The following FAM78A variants were observed in gnomAD, a reference collection of about 807,000 sequenced individuals.
FAM78A encodes the protein protein FAM78A.
FAM78A carries 12 observed loss-of-function variants against 22.6 expected under a neutral mutation model. That is an observed-to-expected ratio of 0.53 (90% CI 0.34 to 0.86). The LOEUF (loss-of-function observed/expected upper bound fraction) is 0.86. Among genes scored for constraint, FAM78A ranks in the 40% least tolerant of loss-of-function variants. The probability of loss-of-function intolerance (pLI) is 0.02; values close to 1 mark genes in which losing one functional copy is unlikely to be tolerated. For missense variants in FAM78A, 322 were observed against 396.1 expected (o/e 0.81, Z 1.59); for synonymous variants, 151 against 155.8 (o/e 0.97, Z 0.23).
At chr9:131,264,031 C>T (rs1835309562) in intron 1 of FAM78A, 1 of 152,358 alleles carries the variant, frequency 6.6e-6, no homozygotes. Context: ...CCACTGGGGG[C>T]CTAGTCTCCT....
At chr9:131,264,867 G>T (rs1490155953) in intron 1 of FAM78A, among the ~76,000 whole-genome samples, 1 of 152,002 alleles carries the variant, frequency 6.6e-6, no homozygotes, top group African/African-American at 2.4e-5. Flanking sequence ...AGGACCACAG[G>T]CACCCACCAC....
chr9:131,260,494 G>GT lies in FAM78A; in HGVS notation c.*327dup, dbSNP rs1347349902. On this transcript the variant is annotated 3_prime_UTR_variant, in exon 2 of 2. Transcript: ENST00000372271. This position sits in a 1 kb window ranked among gnomAD's most constrained non-coding sequence, Gnocchi z 5.4. ...CTGCCCCTGAGCCCCCAAAAGAGGA[G>GT]TTTTTTTAAAAAACGGAAAAAGCAG... The GT allele has an allele frequency of 9.0e-5, 20 of 222,666 alleles. No individual in the cohort carries two copies. In the East Asian group the frequency reaches 1.4e-3, roughly 15 times the overall value. The allele number at this position is 222,666 out of a possible 1,614,324, so 13.8% of individuals were successfully genotyped here.
In FAM78A at chr9:131,258,429, T is replaced by G. The variant is rs568257836; in HGVS notation, c.*2393A>C. On this transcript the variant is annotated 3_prime_UTR_variant, in exon 2 of 2. Transcript: ENST00000372271. ...CAGGGTGTTCCTAGCCCTTCTTCGG[T>G]GAGGAAGGGCAGAAAGAAGGGGCAC... is the stretch of plus-strand genomic sequence containing the variant. The G allele has an allele frequency of 7.1e-6, 1 of 140,834 alleles. No individual in the cohort carries two copies. The highest frequency in any genetic ancestry group is 1.5e-5 in the Non-Finnish European group (1 of 65,450). The allele number at this position is 140,834 out of a possible 1,614,324, so 8.7% of individuals were successfully genotyped here. A position where few individuals can be genotyped will look rare whatever the true frequency, so the allele number is the denominator to read the frequency against.
At chr9:131,277,251 C>T (rs950579206), upstream of FAM78A, among the ~76,000 whole-genome samples, 11 of 151,880 alleles carry the variant, frequency 7.2e-5, no homozygotes, top group African/African-American at 2.7e-4. This position sits in a 1 kb window ranked among gnomAD's most constrained non-coding sequence, Gnocchi z 8.4. Context: ...GAGCACTTGC[C>T]CTGCTCTGTC....
At chr9:131,278,504 G>T (rs1245036894), upstream of FAM78A, among the ~76,000 whole-genome samples, 1 of 152,158 alleles carries the variant, frequency 6.6e-6, no homozygotes, top group Non-Finnish European at 1.5e-5. Context: ...GCTGCCTGTT[G>T]GACCCCGGCT....
At chr9:131,268,590 G>A (rs1327000559) in intron 1 of FAM78A, among the ~76,000 whole-genome samples, 2 of 152,244 alleles carry the variant, frequency 1.3e-5, no homozygotes, top group African/African-American at 4.8e-5. Flanking sequence ...AACAGCGCCT[G>A]TTTAATTTTA....
At chr9:131,267,360 C>T (rs989065296) in intron 1 of FAM78A, among the ~76,000 whole-genome samples, 1 of 152,122 alleles carries the variant, frequency 6.6e-6, no homozygotes, top group Non-Finnish European at 1.5e-5. Context: ...AAGAGACCCT[C>T]GCCTGTACGA....
chr9:131,260,735 C>G lies in FAM78A; in HGVS notation c.*87G>C. The G allele has an allele frequency of 6.8e-7, 1 of 1,462,950 alleles. No homozygotes were observed. Among genetic ancestry groups the G allele is most frequent in the Non-Finnish European group, 9.1e-7 (1 of 1,102,308 alleles). The allele number at this position is 1,462,950 out of a possible 1,614,324, so 90.6% of individuals were successfully genotyped here. A position where few individuals can be genotyped will look rare whatever the true frequency, so the allele number is the denominator to read the frequency against. On this transcript the variant is annotated 3_prime_UTR_variant, in exon 2 of 2. Transcript: ENST00000372271. This position sits in a 1 kb window ranked among gnomAD's most constrained non-coding sequence, Gnocchi z 5.4. ...GCTGGAGAGGGTAGAATGGTTGTAT[C>G]TTGCTGAATGACTGAAGAGTGAGTC...
At chr9:131,278,042 A>AGGC (rs906070271), upstream of FAM78A, among the ~76,000 whole-genome samples, 232 of 145,674 alleles carry the variant, frequency 1.6e-3, no homozygotes, top group South Asian at 4.5e-3. Context: ...GCAGGTCCGC[A>AGGC]GGCGGCGGCG....
chr9:131,264,630 T>C (rs879309492), intron 1 of FAM78A: 9 of 717,208 alleles, frequency 1.3e-5, no homozygotes, highest in Non-Finnish European at 1.8e-5. Flanking sequence ...TGGAGACCCT[T>C]TGAGGGTGGC....
At chr9:131,266,406 T>TA (rs1835345872) in intron 1 of FAM78A, among the ~76,000 whole-genome samples, 1 of 151,936 alleles carries the variant, frequency 6.6e-6, no homozygotes, top group Admixed American at 6.6e-5. Flanking sequence ...CCCCAGCCAT[T>TA]CTCAGCTGCT....
rs1314467365 is a variant in FAM78A at position 131,265,043 on chromosome 9, TTG to T, written c.324-3695_324-3694del. Among the ~76,000 whole-genome samples, 3 of 151,936 alleles carry T rather than the reference TTG, an allele frequency of 2.0e-5. No individual in the cohort carries two copies. The highest frequency in any genetic ancestry group is 1.3e-4 in the Admixed American group (2 of 15,252). ...CCAGCCGAATTATTTTTATATGAAC[TTG>T]TTTCTCTTCTCTATTAAATTTCTAT... On this transcript the variant is annotated intron_variant, in intron 1 of 1. Coordinates refer to ENST00000372271, the MANE Select transcript of FAM78A (RefSeq NM_033387.4). This position sits in a 1 kb window ranked among gnomAD's most constrained non-coding sequence, Gnocchi z 4.3.
At position 131,259,053 on chromosome 9, in the gene FAM78A, C is replaced by A. The variant is rs1445054078; in HGVS notation, c.*1769G>T. 6.5e-6 allele frequency: 1 copy of A among 152,700 alleles called. No individual in the cohort carries two copies. Among genetic ancestry groups the A allele is most frequent in the Non-Finnish European group, 1.5e-5 (1 of 68,052 alleles). The allele number at this position is 152,700 out of a possible 1,614,324, so 9.5% of individuals were successfully genotyped here. On this transcript the variant is annotated 3_prime_UTR_variant, in exon 2 of 2. Coordinates refer to ENST00000372271, the MANE Select transcript of FAM78A (RefSeq NM_033387.4). ...CAGGGCAGGGACTTTGGTTCCCACA[C>A]CGTCCCACGCTGTCACGGAGACTCT...
Position 131,276,041 on chromosome 9 carries a change from T to C in FAM78A, c.139A>G (p.Ile47Val), listed in dbSNP as rs543936294. 3.7e-6 allele frequency: 6 copies of C among 1,613,764 alleles called. No individual in the cohort carries two copies. The highest frequency in any genetic ancestry group is 1.7e-4 in the Middle Eastern group (1 of 6,058). Residue 47 changes from isoleucine (I) to valine (V), a missense_variant, in exon 1 of 2, where the codon ATC becomes GTC. By Grantham distance (29) the Ile-to-Val change is conservative. Coordinates refer to ENST00000372271, the MANE Select transcript of FAM78A (RefSeq NM_033387.4). This position sits in a 1 kb window ranked among gnomAD's most constrained non-coding sequence, Gnocchi z 4.3. ...GITVIDVKASIDPVPTSIDES... is the reference protein window; with the variant it reads ...GITVIDVKASVDPVPTSIDES... ...TCGATGCTAGTGGGGACGGGGTCGA[T>C]GGAGGCTTTCACATCAATCACCGTG...
chr9:131,272,570 C>T lies in FAM78A; in HGVS notation c.323+3287G>A, dbSNP rs1443392608. Among the ~76,000 whole-genome samples the T allele has an allele frequency of 6.6e-6, 1 of 152,222 alleles. No individual in the cohort carries two copies. The highest frequency in any genetic ancestry group is 2.4e-5 in the African/African-American group (1 of 41,452). On this transcript the variant is annotated intron_variant, in intron 1 of 1. Coordinates refer to ENST00000372271, the MANE Select transcript of FAM78A (RefSeq NM_033387.4). This position sits in a 1 kb window ranked among gnomAD's most constrained non-coding sequence, Gnocchi z 4.1. Reference sequence around the variant, plus strand: ...CCCAACCACTGTTCCCTTTCCTTTTCATGCCACAAGGCTTAAAAACTTGGA... The same window carrying T: ...CCCAACCACTGTTCCCTTTCCTTTTTATGCCACAAGGCTTAAAAACTTGGA...
rs909230736 is a variant in FAM78A, at chr9:131,265,796, G to A, written c.324-4446C>T. Among the ~76,000 whole-genome samples the A allele has an allele frequency of 1.2e-4, 18 of 152,172 alleles. No individual in the cohort carries two copies. The highest frequency in any genetic ancestry group is 3.9e-4 in the African/African-American group (16 of 41,426). Reference sequence around the variant, plus strand: ...GTCCAGTCTAGGAGCCCAGCAGGCCGTTCACCTCCATGGCTGTGGGCAGAG... The same window carrying A: ...GTCCAGTCTAGGAGCCCAGCAGGCCATTCACCTCCATGGCTGTGGGCAGAG... On this transcript the variant is annotated intron_variant, in intron 1 of 1. Coordinates refer to ENST00000372271, the MANE Select transcript of FAM78A (RefSeq NM_033387.4). This position sits in a 1 kb window ranked among gnomAD's most constrained non-coding sequence, Gnocchi z 4.3.
Position 131,261,382 on chromosome 9 carries a change from G to C in FAM78A, c.324-32C>G. ...ACAAGGAAGGCCAGTTCACTCACTC[G>C]GTCACTCAAGGAGGGCTTTCTGTGT... On this transcript the variant is annotated intron_variant, in intron 1 of 1. Coordinates refer to ENST00000372271, the MANE Select transcript of FAM78A (RefSeq NM_033387.4). The surrounding 1 kb of genome is among the most constrained non-coding windows in gnomAD (Gnocchi z 7.1). The C allele has an allele frequency of 6.5e-7, 1 of 1,527,708 alleles. No homozygotes were observed. The highest frequency in any genetic ancestry group is 1.3e-5 in the South Asian group (1 of 79,368). The allele number at this position is 1,527,708 out of a possible 1,614,324, so 94.6% of individuals were successfully genotyped here. A position where few individuals can be genotyped will look rare whatever the true frequency, so the allele number is the denominator to read the frequency against.
rs1368667704 is a variant in FAM78A at position 131,276,121 on chromosome 9, G to A, written c.59C>T (p.Ala20Val). ...PSLEIRALLY[A>V]MGCIQSIGGK... ...TCCGATGCTCTGAATACAGCCCATG[G>A]CATACAGGAGCGCTCTGATCTCCAG... The change falls in exon 1 of 2, where the codon GCC becomes GTC. Residue 20 changes from alanine (A) to valine (V), a missense_variant. Coordinates refer to ENST00000372271, the MANE Select transcript of FAM78A (RefSeq NM_033387.4). This position sits in a 1 kb window ranked among gnomAD's most constrained non-coding sequence, Gnocchi z 4.3. 2 of 1,613,652 alleles carry A rather than the reference G, an allele frequency of 1.2e-6. No homozygotes were observed. Among genetic ancestry groups the A allele is most frequent in the Non-Finnish European group, 1.7e-6 (2 of 1,180,014 alleles).
At chr9:131,273,318 G>A (rs1481586064) in intron 1 of FAM78A, among the ~76,000 whole-genome samples, 1 of 152,228 alleles carries the variant, frequency 6.6e-6, no homozygotes, top group Non-Finnish European at 1.5e-5. Context: ...CTGCCCGACT[G>A]CTCCAAGCCG....
Sources: allele counts gnomAD v4.1 joint callset (sites outside exome capture counted in the v4.1 genomes callset), GRCh38; gene constraint gnomAD v4.1.1; non-coding constraint Gnocchi (gnomAD v3.1); transcripts MANE v1.5; gene names NCBI Gene and HGNC (gene_info 2026-07-23, HGNC 2026-07-21).